ABCC8: variants seen among roughly 807,000 people sequenced by gnomAD.
The protein encoded by ABCC8 is ATP binding cassette subfamily C member 8, also known as ATP-binding cassette sub-family C member 8.
Under a neutral mutation model 188.0 loss-of-function variants are expected in ABCC8, and 137 were observed. The ratio of observed to expected loss-of-function variants is 0.73; its 90% confidence interval spans 0.63 to 0.84. ABCC8 has a LOEUF of 0.84. Among genes scored for constraint, ABCC8 ranks in the 40% least tolerant of loss-of-function variants. The probability of loss-of-function intolerance (pLI) is 0.00; values close to 1 mark genes in which losing one functional copy is unlikely to be tolerated. For synonymous variants in ABCC8, 797 were observed against 846.5 expected, an observed-to-expected ratio of 0.94 and a Z score of 1.01; for missense variants, 1,750 against 2,072.7, an observed-to-expected ratio of 0.84 and a Z score of 3.02.
chr11:17,461,503 C>T, intron 5 of ABCC8, 80 bp downstream of exon 5: 3 of 1,578,598 alleles, frequency 1.9e-6, no homozygotes, highest in South Asian at 2.2e-5. Context: ...AGGATTTTGA[C>T]CTAATGCCCT....
intron 10 of ABCC8, 152 bp downstream of exon 10, chr11:17,442,568 G>C: frequency 1.3e-6 from 1 of 765,286 alleles, no homozygotes; most frequent in Non-Finnish European, 2.3e-6. Flanking sequence ...TGGGAGCTTA[G>C]CTATCAGAGC....
At position 17,398,328 on chromosome 11, in the gene ABCC8, A is replaced by G; in HGVS notation, c.3753+11T>C. On this transcript the variant is annotated intron_variant, in intron 30 of 38. Transcript: ENST00000389817. ...CTATCAGAGGCCAGGGTAGAGGGGAATAGCACTTGCCATTCGGACTTCCAG... is the reference window on the plus strand; with the variant it reads ...CTATCAGAGGCCAGGGTAGAGGGGAGTAGCACTTGCCATTCGGACTTCCAG... 1 of 1,614,074 alleles carries G rather than the reference A, an allele frequency of 6.2e-7. No individual in the cohort carries two copies. The highest frequency in any genetic ancestry group is 8.5e-7 in the Non-Finnish European group (1 of 1,179,948).
At chr11:17,465,006 T>C (rs1197294333) in intron 3 of ABCC8, among the ~76,000 whole-genome samples, 2 of 152,246 alleles carry the variant, frequency 1.3e-5, no homozygotes, top group South Asian at 4.1e-4. Flanking sequence ...AGGAAACAGG[T>C]TGAGATGTTG....
chr11:17,464,978 C>T (rs1848059009), intron 3 of ABCC8, among the ~76,000 whole-genome samples: 1 of 152,232 alleles, frequency 6.6e-6, no homozygotes, highest in South Asian at 2.1e-4. Context: ...TGGGATCTGT[C>T]CTGCCTGGCT....
chr11:17,465,050 G>A (rs115912554), intron 3 of ABCC8, among the ~76,000 whole-genome samples: 108 of 152,322 alleles, frequency 7.1e-4, no homozygotes, highest in Middle Eastern at 3.4e-3. Context: ...GAGCTCACCC[G>A]GGGGGATCGA....
intron 3 of ABCC8, among the ~76,000 whole-genome samples, chr11:17,469,254 G>A (rs1288057032): frequency 6.6e-6 from 1 of 152,050 alleles, no homozygotes; most frequent in Non-Finnish European, 1.5e-5. Flanking sequence ...ACCATGCCCA[G>A]CTAATTTTTC....
intron 20 of ABCC8, 120 bp downstream of exon 20, chr11:17,413,274 C>A (rs1954902893): frequency 5.5e-6 from 8 of 1,461,888 alleles, no homozygotes; most frequent in Non-Finnish European, 4.8e-6. Flanking sequence ...TTACTGCAGG[C>A]AACTCTTCAG....
intron 16 of ABCC8, among the ~76,000 whole-genome samples, chr11:17,417,404 T>C (rs1376896873): frequency 6.6e-6 from 1 of 152,210 alleles, no homozygotes; most frequent in Non-Finnish European, 1.5e-5. Flanking sequence ...GGAATCAGTG[T>C]GTACTGCACG....
At chr11:17,408,160 A>G in intron 23 of ABCC8, 1 of 454,990 alleles carries the variant, frequency 2.2e-6, no homozygotes, top group Non-Finnish European at 3.9e-6. Flanking sequence ...TTGCAACTAA[A>G]TAGTATCTGA....
chr11:17,454,920 G>A (rs1004142655), intron 6 of ABCC8, among the ~76,000 whole-genome samples: 3 of 152,118 alleles, frequency 2.0e-5, no homozygotes, highest in Admixed American at 6.5e-5. Context: ...CCCCCTGGCT[G>A]GTACTGGGTC....
chr11:17,431,357 C>A lies in ABCC8; in HGVS notation c.1672-398G>T, dbSNP rs1479323130. Among the ~76,000 whole-genome samples the A allele has an allele frequency of 2.6e-5, 4 of 152,344 alleles. No individual in the cohort carries two copies. The East Asian group carries it at 7.7e-4, about 29-fold the overall frequency. Reference sequence around the variant, plus strand: ...TACGAAACTGCACAGTGCTTTGCCCCAGCCACCTGGCTGGCTCAGTGGCCT... The same window carrying A: ...TACGAAACTGCACAGTGCTTTGCCCAAGCCACCTGGCTGGCTCAGTGGCCT... On this transcript the variant is annotated intron_variant, in intron 11 of 38. Coordinates refer to ENST00000389817, the MANE Select transcript of ABCC8 (RefSeq NM_000352.6).
intron 8 of ABCC8, among the ~76,000 whole-genome samples, chr11:17,445,179 C>T (rs905042244): frequency 4.6e-5 from 7 of 152,216 alleles, no homozygotes; most frequent in Non-Finnish European, 8.8e-5. Flanking sequence ...ATTCCTTAAC[C>T]TGGTGTTCTT....
At position 17,475,044 on chromosome 11, in the gene ABCC8, T is replaced by C. The variant is rs1848686282; in HGVS notation, c.149-17A>G. The C allele has an allele frequency of 1.9e-6, 3 of 1,613,978 alleles. No homozygotes were observed. The highest frequency in any genetic ancestry group is 2.5e-6 in the Non-Finnish European group (3 of 1,179,962). On this transcript the variant is annotated splice_polypyrimidine_tract_variant and intron_variant, in intron 1 of 38. Transcript: ENST00000389817. Reference sequence around the variant, plus strand: ...TTCCCCATCCTGCAGGGAGAGACAGTCAGAGGCAGGATGCCTGCCCACTTG... The same window carrying C: ...TTCCCCATCCTGCAGGGAGAGACAGCCAGAGGCAGGATGCCTGCCCACTTG...
rs887768102 is a variant in ABCC8 at position 17,469,441 on chromosome 11, G to T, written c.412+660C>A. On this transcript the variant is annotated intron_variant, in intron 3 of 38. Coordinates refer to ENST00000389817, the MANE Select transcript of ABCC8 (RefSeq NM_000352.6). ...TCTACAAGGCCCACCTCCTGAAAGT[G>T]TAGCTCCTGTCCTGACCTCCCCATG... is the stretch of plus-strand genomic sequence containing the variant. Among the ~76,000 whole-genome samples, 47 of 152,182 alleles carry T rather than the reference G, an allele frequency of 3.1e-4. 2 individuals carry two copies. The highest frequency in any genetic ancestry group is 2.8e-3 in the Admixed American group (43 of 15,292).
At chr11:17,443,115 A>C in intron 9 of ABCC8, 63 bp downstream of exon 9, 1 of 1,584,984 alleles carries the variant, frequency 6.3e-7, no homozygotes, top group East Asian at 2.2e-5. Context: ...GTGGGAGGAG[A>C]CCTGCTGCTG....
chr11:17,431,915 CAT>C (rs1331869529), intron 11 of ABCC8, among the ~76,000 whole-genome samples: 5 of 152,330 alleles, frequency 3.3e-5, no homozygotes, highest in South Asian at 2.1e-4. Flanking sequence ...CTACAATACA[CAT>C]GTTTCACTTT....
At chr11:17,414,636 G>C in intron 18 of ABCC8, 26 bp from the exon 19 acceptor site, 11 of 1,613,726 alleles carry the variant, frequency 6.8e-6, no homozygotes, top group Non-Finnish European at 9.3e-6. Context: ...CGGGAGTAGG[G>C]GGTGCGGAAG....
At position 17,472,237 on chromosome 11, in the gene ABCC8, T is replaced by C. The variant is rs991278; in HGVS notation, c.291-2015A>G. Among the ~76,000 whole-genome samples the C allele has an allele frequency of 2.6e-5, 4 of 152,356 alleles. No homozygotes were observed. In the East Asian group the frequency reaches 7.7e-4, roughly 29 times the overall value. ...AGTTTTTAGCTGCTTTGTTAAATAATACACATTCAATTAGTTAAGAAATTA... is the reference window on the plus strand; with the variant it reads ...AGTTTTTAGCTGCTTTGTTAAATAACACACATTCAATTAGTTAAGAAATTA... On this transcript the variant is annotated intron_variant, in intron 2 of 38. Transcript: ENST00000389817.
In ABCC8 at chr11:17,432,231, C is replaced by G. The variant is rs565996783; in HGVS notation, c.1644G>C (p.Thr548=). Residue 548 remains threonine, a synonymous_variant, in exon 11 of 39, where the codon ACG becomes ACC. Transcript: ENST00000389817. ...IYTSISIFMN[T]AIPIAAVLIT... is the part of the protein sequence containing the mutation. ...TGAGGACAGCTGCAATGGGGATGGC[C>G]GTGTTCATGAAAACTGCAGAGGAAG... is the stretch of plus-strand genomic sequence containing the variant. The G allele has an allele frequency of 1.9e-6, 3 of 1,552,600 alleles. No individual in the cohort carries two copies. The highest frequency in any genetic ancestry group is 2.4e-5 in the East Asian group (1 of 41,048).
Sources: allele counts gnomAD v4.1 joint callset (sites outside exome capture counted in the v4.1 genomes callset), GRCh38; gene constraint gnomAD v4.1.1; transcripts MANE v1.5; gene names NCBI Gene and HGNC (gene_info 2026-07-23, HGNC 2026-07-21).